MARCHF1: variants seen among roughly 807,000 people sequenced by gnomAD.
MARCHF1 encodes E3 ubiquitin-protein ligase MARCHF1.
Under a neutral mutation model 54.2 loss-of-function variants are expected in MARCHF1, and 40 were observed. That is an observed-to-expected ratio of 0.74 (90% CI 0.57 to 0.96). MARCHF1 has a LOEUF of 0.96. Among genes scored for constraint, MARCHF1 ranks in the 40% least tolerant of loss-of-function variants. The pLI, the probability that MARCHF1 is intolerant of heterozygous loss-of-function variation, is 0.00. For missense variants in MARCHF1, 586 were observed against 656.5 expected, an observed-to-expected ratio of 0.89 and a Z score of 1.17; for synonymous variants, 236 against 236.3, an observed-to-expected ratio of 1.00 and a Z score of 0.01.
chr4:163,717,789 T>C (rs1745313316), intron 4 of MARCHF1, among the ~76,000 whole-genome samples: 1 of 152,200 alleles, frequency 6.6e-6, no homozygotes, highest in Admixed American at 6.5e-5. Flanking sequence ...GCTGCATAAA[T>C]GTCTTCTTTT....
intron 1 of MARCHF1, among the ~76,000 whole-genome samples, chr4:164,199,718 GGAGAA>G (rs1178160164): frequency 7.2e-5 from 10 of 139,212 alleles, no homozygotes; most frequent in African/African-American, 2.8e-4. Context: ...AGAGAAGAGA[GGAGAA>G]GAGAAGATAA....
intron 2 of MARCHF1, among the ~76,000 whole-genome samples, chr4:164,062,254 G>C (rs573671666): frequency 1.3e-5 from 2 of 152,172 alleles, no homozygotes; most frequent in Middle Eastern, 3.4e-3. Context: ...TCTAACTCTA[G>C]TACTCTCACT....
chr4:163,770,642 G>A, intron 4 of MARCHF1, among the ~76,000 whole-genome samples: 1 of 151,570 alleles, frequency 6.6e-6, no homozygotes, highest in East Asian at 1.9e-4. Flanking sequence ...TTCAAAATCA[G>A]GTCTTTTTTT....
chr4:164,018,544 G>T (rs1753594649), intron 2 of MARCHF1, among the ~76,000 whole-genome samples: 1 of 151,906 alleles, frequency 6.6e-6, no homozygotes, highest in African/African-American at 2.4e-5. Context: ...TTTCATCAAA[G>T]AAGATATATA....
At chr4:164,358,799 T>C (rs1730637813) in intron 1 of MARCHF1, among the ~76,000 whole-genome samples, 1 of 152,140 alleles carries the variant, frequency 6.6e-6, no homozygotes, top group Non-Finnish European at 1.5e-5. Context: ...TGTTATAGAG[T>C]AACATTTATT....
intron 4 of MARCHF1, among the ~76,000 whole-genome samples, chr4:163,723,743 A>G (rs1333584380): frequency 6.6e-6 from 1 of 151,990 alleles, no homozygotes; most frequent in African/African-American, 2.4e-5. Flanking sequence ...TTTTTTCTCT[A>G]AACTTCTCTT....
At chr4:163,814,209 C>T (rs867213897) in intron 4 of MARCHF1, among the ~76,000 whole-genome samples, 11 of 152,300 alleles carry the variant, frequency 7.2e-5, no homozygotes, top group African/African-American at 2.6e-4. Flanking sequence ...ATTCTCACCA[C>T]CTGTTTCTTT....
intron 8 of MARCHF1, among the ~76,000 whole-genome samples, chr4:163,580,183 A>T (rs1240126651): frequency 6.6e-6 from 1 of 151,760 alleles, no homozygotes; most frequent in African/African-American, 2.4e-5. Context: ...GGTTCAACCA[A>T]TTTTCCTGCC....
At position 163,986,249 on chromosome 4, in the gene MARCHF1, C is replaced by CTTTTT. The variant is rs869081083; in HGVS notation, c.-39+2247_-39+2251dup. ...TTCCTTTTCTCCTAATTAACCTCTT[C>CTTTTT]TTTTTTTTTTTTTTTTTTTTTTTTT... On this transcript the variant is annotated intron_variant, in intron 3 of 9. Coordinates refer to ENST00000514618, the MANE Select transcript of MARCHF1 (RefSeq NM_001394959.1). Among the ~76,000 whole-genome samples, 81 of 28,868 alleles carry CTTTTT rather than the reference C, an allele frequency of 2.8e-3. 10 individuals are homozygous for CTTTTT. The highest frequency in any genetic ancestry group is 4.0e-3 in the African/African-American group (41 of 10,162). The allele number at this position is 28,868 out of a possible 152,430, so 18.9% of individuals were successfully genotyped here.
intron 2 of MARCHF1, among the ~76,000 whole-genome samples, chr4:164,027,366 A>AC (rs1753791548): frequency 8.4e-6 from 1 of 118,958 alleles, no homozygotes; most frequent in Non-Finnish European, 1.7e-5. Flanking sequence ...TACAGGTAAA[A>AC]AAAAAAAAAA....
At chr4:164,288,737 A>T (rs1734211892) in intron 1 of MARCHF1, among the ~76,000 whole-genome samples, 2 of 152,216 alleles carry the variant, frequency 1.3e-5, no homozygotes, top group Non-Finnish European at 2.9e-5. Context: ...TTCATCTTTC[A>T]TCACATTTCT....
intron 1 of MARCHF1, among the ~76,000 whole-genome samples, chr4:164,167,977 A>T (rs1235537203): frequency 6.6e-6 from 1 of 151,986 alleles, no homozygotes; most frequent in Non-Finnish European, 1.5e-5. Flanking sequence ...AAAAAATGAA[A>T]AGCCAATCTA....
chr4:163,733,256 TATAC>T (rs1454573466), intron 4 of MARCHF1, among the ~76,000 whole-genome samples: 3 of 43,174 alleles, frequency 6.9e-5, no homozygotes, highest in Admixed American at 2.6e-4. Flanking sequence ...TGTATATATA[TATAC>T]ACACACACAC....
At chr4:164,244,349 G>C (rs1159098283) in intron 1 of MARCHF1, among the ~76,000 whole-genome samples, 1 of 152,160 alleles carries the variant, frequency 6.6e-6, no homozygotes, top group African/African-American at 2.4e-5. Flanking sequence ...ACCTGCTCCT[G>C]AATGACTACT....
chr4:163,643,220 C>T (rs111940343), intron 5 of MARCHF1, among the ~76,000 whole-genome samples: 24 of 150,634 alleles, frequency 1.6e-4, no homozygotes, highest in African/African-American at 4.6e-4. Flanking sequence ...CCCAGCTACT[C>T]GGGAGGCTGA....
intron 1 of MARCHF1, among the ~76,000 whole-genome samples, chr4:164,351,871 T>G (rs1346785928): frequency 8.6e-5 from 13 of 151,406 alleles, no homozygotes; most frequent in African/African-American, 3.2e-4. Context: ...GAAAAAAATT[T>G]AGAAGAATGT....
At chr4:163,762,860 C>T (rs1245583211) in intron 4 of MARCHF1, among the ~76,000 whole-genome samples, 1 of 152,000 alleles carries the variant, frequency 6.6e-6, no homozygotes, top group Non-Finnish European at 1.5e-5. Flanking sequence ...ATTTTAAAAG[C>T]TTACACTAGC....
intron 3 of MARCHF1, among the ~76,000 whole-genome samples, chr4:163,922,790 C>T (rs1457010175): frequency 6.6e-6 from 1 of 152,096 alleles, no homozygotes; most frequent in African/African-American, 2.4e-5. Context: ...CAAACAACTC[C>T]CTTATTTCCA....
chr4:164,188,096 G>A (rs959772519), intron 1 of MARCHF1, among the ~76,000 whole-genome samples: 6 of 152,160 alleles, frequency 3.9e-5, no homozygotes, highest in African/African-American at 1.4e-4. Flanking sequence ...ATTAAAACTC[G>A]AAAGCCGAGG....
Sources: gnomAD v4.1 joint callset for allele counts (sites outside exome capture counted in the v4.1 genomes callset) on GRCh38, gnomAD v4.1.1 for gene constraint, MANE v1.5 for transcripts, NCBI Gene and HGNC (gene_info 2026-07-23, HGNC 2026-07-21) for gene names.